Variants in PDIA5 observed in about 807,000 individuals in gnomAD.
The protein encoded by PDIA5 is protein disulfide isomerase family A member 5.
Under a neutral mutation model 77.6 loss-of-function variants are expected in PDIA5, and 58 were observed. That is an observed-to-expected ratio of 0.75 (90% confidence interval 0.61 to 0.93). The LOEUF is 0.93. Ranked by LOEUF, PDIA5 falls within the 40% of genes least tolerant of loss-of-function variation. The probability of loss-of-function intolerance (pLI) is 0.00; values close to 1 mark genes in which losing one functional copy is unlikely to be tolerated. For missense variants in PDIA5, 630 were observed against 647.7 expected (o/e 0.97, Z 0.30); for synonymous variants, 250 against 252.1 (o/e 0.99, Z 0.08).
At chr3:123,125,129 C>G (rs1935212648) in intron 10 of PDIA5, among the ~76,000 whole-genome samples, 1 of 152,204 alleles carries the variant, frequency 6.6e-6, no homozygotes, top group South Asian at 2.1e-4. Flanking sequence ...CTTCTGGAAG[C>G]CTCCCCAGGC....
intron 7 of PDIA5, among the ~76,000 whole-genome samples, chr3:123,112,102 G>C (rs1934876587): frequency 6.6e-6 from 1 of 152,140 alleles, no homozygotes; most frequent in Admixed American, 6.5e-5. Flanking sequence ...CACTGTCCGG[G>C]CACCTCCACA....
intron 15 of PDIA5, among the ~76,000 whole-genome samples, chr3:123,159,632 G>A (rs536604892): frequency 6.6e-6 from 1 of 152,084 alleles, no homozygotes; most frequent in East Asian, 1.9e-4. Flanking sequence ...TATTTTTTTT[G>A]TTGTTGTTAA....
At chr3:123,129,155 G>C (rs1935313558) in intron 10 of PDIA5, among the ~76,000 whole-genome samples, 1 of 152,238 alleles carries the variant, frequency 6.6e-6, no homozygotes, top group Non-Finnish European at 1.5e-5. Flanking sequence ...GTAATTGGTG[G>C]TGTTTTGAGG....
chr3:123,075,718 T>C (rs935307410), intron 1 of PDIA5, among the ~76,000 whole-genome samples: 5 of 152,100 alleles, frequency 3.3e-5, no homozygotes, highest in Admixed American at 6.5e-5. Context: ...GGGTCAGTGA[T>C]GGAGTTTCTT....
intron 1 of PDIA5, among the ~76,000 whole-genome samples, chr3:123,068,202 G>C (rs78076394): frequency 0.015 from 2,328 of 152,176 alleles, 55 homozygotes; most frequent in African/African-American, 0.049. Context: ...TCCTGTTCCT[G>C]GCACCCTCCC....
chr3:123,095,970 G>T (rs563329216), intron 3 of PDIA5, among the ~76,000 whole-genome samples: 4 of 152,210 alleles, frequency 2.6e-5, no homozygotes, highest in Non-Finnish European at 4.4e-5. Flanking sequence ...GAAAATGCTG[G>T]AAGCTGCCAG....
At chr3:123,067,564 C>A (rs1933604311) in intron 1 of PDIA5, 1 of 286,002 alleles carries the variant, frequency 3.5e-6, no homozygotes, top group Non-Finnish European at 6.5e-6. Flanking sequence ...AGACTCCGAG[C>A]CCTGCACCTG....
chr3:123,089,788 G>A (rs1390399215), intron 2 of PDIA5, among the ~76,000 whole-genome samples: 5 of 152,232 alleles, frequency 3.3e-5, no homozygotes, highest in Non-Finnish European at 5.9e-5. Context: ...CTGCTCTGGG[G>A]TCAGATGCAA....
At chr3:123,070,934 A>AT (rs1933708941) in intron 1 of PDIA5, among the ~76,000 whole-genome samples, 1 of 151,504 alleles carries the variant, frequency 6.6e-6, no homozygotes, top group Admixed American at 6.6e-5. Context: ...AAAATGGTGT[A>AT]TTTTTTTGTT....
At chr3:123,077,886 T>A (rs927077406) in intron 1 of PDIA5, among the ~76,000 whole-genome samples, 7 of 151,412 alleles carry the variant, frequency 4.6e-5, no homozygotes, top group Non-Finnish European at 1.0e-4. Context: ...CTCAGCTCAC[T>A]ACGACCTCTG....
At chr3:123,076,969 A>G (rs972142752) in intron 1 of PDIA5, among the ~76,000 whole-genome samples, 1 of 152,248 alleles carries the variant, frequency 6.6e-6, no homozygotes, top group African/African-American at 2.4e-5. Context: ...GTTGACAGCA[A>G]CATTTGTGCC....
At chr3:123,084,951 C>G (rs1278601397) in intron 1 of PDIA5, among the ~76,000 whole-genome samples, 1 of 152,172 alleles carries the variant, frequency 6.6e-6, no homozygotes. Context: ...GCTAACTGGG[C>G]AATGATGCTT....
At chr3:123,117,333 G>T (rs1935018215) in intron 8 of PDIA5, among the ~76,000 whole-genome samples, 1 of 131,766 alleles carries the variant, frequency 7.6e-6, no homozygotes. Context: ...CCCCACTCCT[G>T]ACCTTGATAA....
At chr3:123,128,749 A>C (rs1330497581) in intron 10 of PDIA5, among the ~76,000 whole-genome samples, 1 of 152,186 alleles carries the variant, frequency 6.6e-6, no homozygotes, top group African/African-American at 2.4e-5. Flanking sequence ...TAAGGTGCTT[A>C]AAAAGAATAC....
chr3:123,138,613 A>G (rs1284504078), intron 11 of PDIA5, among the ~76,000 whole-genome samples: 1 of 152,252 alleles, frequency 6.6e-6, no homozygotes, highest in African/African-American at 2.4e-5. Context: ...AACTCTTTGC[A>G]TAAGAAGAGG....
intron 12 of PDIA5, 44 bp from the exon 13 acceptor site, chr3:123,146,055 G>A (rs370316483): frequency 1.3e-4 from 200 of 1,590,338 alleles, no homozygotes; most frequent in Non-Finnish European, 1.7e-4. Flanking sequence ...CACCAGCACC[G>A]CATCTGAGGC....
intron 5 of PDIA5, among the ~76,000 whole-genome samples, chr3:123,106,114 A>T (rs2107936871): frequency 6.6e-6 from 1 of 152,360 alleles, no homozygotes. Flanking sequence ...CAGCATGAGA[A>T]GTATAGCAAC....
intron 11 of PDIA5, among the ~76,000 whole-genome samples, chr3:123,144,149 G>C (rs926159864): frequency 6.6e-6 from 1 of 152,204 alleles, no homozygotes. Context: ...CCCCTGCCGG[G>C]TGCTCAGCTG....
chr3:123,110,912 C>A, intron 6 of PDIA5, 32 bp from the exon 7 acceptor site: 1 of 1,578,314 alleles, frequency 6.3e-7, no homozygotes, highest in African/African-American at 1.3e-5. Context: ...GTGTTGTGTG[C>A]GAGCTGCTGG....
Sources: gnomAD v4.1 joint callset for allele counts (sites outside exome capture counted in the v4.1 genomes callset) on GRCh38, gnomAD v4.1.1 for gene constraint, MANE v1.5 for transcripts, NCBI Gene and HGNC (gene_info 2026-07-23, HGNC 2026-07-21) for gene names.